The following MORF4L1 variants were observed in gnomAD, a reference collection of about 807,000 sequenced individuals.
The protein encoded by MORF4L1 is mortality factor 4-like protein 1.
Under a neutral mutation model 52.9 loss-of-function variants are expected in MORF4L1, and 4 were observed. The ratio of observed to expected loss-of-function variants is 0.08; its 90% CI spans 0.04 to 0.17. The LOEUF is 0.17. Ranked by LOEUF, MORF4L1 falls within the 10% of genes least tolerant of loss-of-function variation. MORF4L1 has a pLI of 1.00. For missense variants in MORF4L1, 214 were observed against 390.4 expected (o/e 0.55, Z 3.81); for synonymous variants, 123 against 134.8 (o/e 0.91, Z 0.61).
At chr15:78,884,779 TC>T (rs1438088506) in intron 3 of MORF4L1, among the ~76,000 whole-genome samples, 2 of 152,224 alleles carry the variant, frequency 1.3e-5, no homozygotes, top group African/African-American at 4.8e-5. Flanking sequence ...AAATTGGAAT[TC>T]TCTTAAACTT....
intron 3 of MORF4L1, among the ~76,000 whole-genome samples, chr15:78,882,953 G>A (rs2056628884): frequency 1.3e-5 from 2 of 152,148 alleles, no homozygotes; most frequent in Admixed American, 6.5e-5. Context: ...AGTGGCTCAT[G>A]CCTGTAATCT....
chr15:78,895,914 C>T (rs962251932), intron 11 of MORF4L1, among the ~76,000 whole-genome samples: 3 of 151,824 alleles, frequency 2.0e-5, no homozygotes, highest in African/African-American at 7.3e-5. Flanking sequence ...CTTTGGACCT[C>T]AGTTTCTTTA....
At chr15:78,887,133 T>C (rs2056720014) in intron 4 of MORF4L1, 136 bp from the exon 5 acceptor site, 1 of 688,444 alleles carries the variant, frequency 1.5e-6, no homozygotes, top group African/African-American at 1.8e-5. Context: ...TTGATTTTTG[T>C]GGAAATATCT....
intron 8 of MORF4L1, 94 bp from the exon 9 acceptor site, chr15:78,893,445 T>TA: frequency 1.2e-6 from 1 of 802,550 alleles, no homozygotes; most frequent in East Asian, 2.5e-5. Flanking sequence ...GAAATACTGT[T>TA]ACTGTTACCT....
chr15:78,880,520 G>C lies in MORF4L1; in HGVS notation c.96G>C (p.Lys32Asn). 6.2e-7 allele frequency: 1 copy of C among 1,600,124 alleles called. No individual in the cohort carries two copies. Among genetic ancestry groups the C allele is most frequent in the Non-Finnish European group, 8.5e-7 (1 of 1,173,570 alleles). ...GPLLYEAKCVKVAIKDKQVKY... is the reference protein window; with the variant it reads ...GPLLYEAKCVNVAIKDKQVKY... ...TTTTTTTTGAATTTCAGTGTGTAAA[G>C]GTTGCCATAAAGGACAAACAAGTGA... Residue 32 changes from lysine to asparagine, a missense_variant, in exon 3 of 12, where the codon AAG (lysine) becomes AAC (asparagine). By Grantham distance (94) the Lys-to-Asn change is moderately conservative. Transcript: ENST00000426013.
intron 2 of MORF4L1, among the ~76,000 whole-genome samples, chr15:78,879,821 ATGT>A (rs2056568453): frequency 6.6e-6 from 1 of 152,076 alleles, no homozygotes; most frequent in Non-Finnish European, 1.5e-5. Flanking sequence ...TTATCCCTGA[ATGT>A]TGTTATTGTT....
At chr15:78,873,349 G>A in intron 1 of MORF4L1, 3 of 808,902 alleles carry the variant, frequency 3.7e-6, no homozygotes, top group East Asian at 5.2e-5. Flanking sequence ...AGGGCGCGGA[G>A]AGAGCAGCCT....
At chr15:78,886,094 G>T (rs2056698283) in intron 3 of MORF4L1, 47 bp from the exon 4 acceptor site, 1 of 1,435,478 alleles carries the variant, frequency 7.0e-7, no homozygotes, top group South Asian at 1.1e-5. Flanking sequence ...AAATTAGTTG[G>T]AGAACAGAGT....
chr15:78,877,633 A>G (rs1247780772), intron 1 of MORF4L1: 1 of 152,226 alleles, frequency 6.6e-6, no homozygotes, highest in African/African-American at 2.4e-5. Context: ...GTAGACTGTT[A>G]CGTTCCAAAG....
At chr15:78,894,785 G>A in intron 10 of MORF4L1, 35 bp from the exon 11 acceptor site, 1 of 1,493,540 alleles carries the variant, frequency 6.7e-7, no homozygotes, top group South Asian at 1.1e-5. Context: ...CCCTGCCTTG[G>A]ATGTAACTTT....
At chr15:78,880,437 T>G (rs1596241493) in intron 2 of MORF4L1, 75 bp from the exon 3 acceptor site, 2 of 1,080,022 alleles carry the variant, frequency 1.9e-6, no homozygotes, top group East Asian at 5.1e-5. Context: ...GTAGAGTGTC[T>G]TTGAAGGATG....
At position 78,886,035 on chromosome 15, in the gene MORF4L1, G is replaced by A. The variant is rs577094918; in HGVS notation, c.156-106G>A. On this transcript the variant is annotated intron_variant, in intron 3 of 11. Coordinates refer to ENST00000426013, the MANE Select transcript of MORF4L1 (RefSeq NM_006791.4). ...AGTTGAGAATATATTTGTAGTGCCA[G>A]TTCATCAAATTACTTAAGAGAAATC... 1.8e-4 allele frequency: 137 copies of A among 775,206 alleles called. 1 individual carries two copies. In the South Asian group the frequency reaches 2.0e-3, roughly 11 times the overall value. The allele number at this position is 775,206 out of a possible 1,614,324, so 48.0% of individuals were successfully genotyped here. A position where few individuals can be genotyped will look rare whatever the true frequency, so the allele number is the denominator to read the frequency against.
intron 8 of MORF4L1, among the ~76,000 whole-genome samples, chr15:78,893,294 A>G (rs956634034): frequency 3.3e-5 from 5 of 152,192 alleles, no homozygotes; most frequent in Non-Finnish European, 7.4e-5. Context: ...GATGCTCCAT[A>G]ACTTAGAATG....
At position 78,886,976 on chromosome 15, in the gene MORF4L1, TAAAATG is replaced by T. The variant is rs888457351; in HGVS notation, c.243-292_243-287del. ...TCTCAAAAAAAAAAAAAAAAAGAAT[TAAAATG>T]GTAATGGGAACAAATAAAACACTGG... On this transcript the variant is annotated intron_variant, in intron 4 of 11. Transcript: ENST00000426013. 1.1e-4 allele frequency among the ~76,000 whole-genome samples: 16 copies of T among 150,792 alleles called. No homozygotes were observed. The South Asian group carries it at 1.5e-3, about 14-fold the overall frequency.
intron 3 of MORF4L1, among the ~76,000 whole-genome samples, chr15:78,883,662 C>T (rs2056642379): frequency 6.6e-6 from 1 of 152,132 alleles, no homozygotes; most frequent in Admixed American, 6.5e-5. Context: ...AGATTTGTTA[C>T]TATCTTTGTA....
chr15:78,887,284 G>C lies in MORF4L1; in HGVS notation c.258G>C (p.Glu86Asp), dbSNP rs2056722807. 1.2e-6 allele frequency: 2 copies of C among 1,611,276 alleles called. No individual in the cohort carries two copies. Among genetic ancestry groups the C allele is most frequent in the East Asian group, 4.5e-5 (2 of 44,856 alleles). ...LQKANQEQYA[E>D]GKMRGAAPGK... Reference sequence around the variant, plus strand: ...ATTTTTGAAGGGAGCAGTATGCAGAGGGGAAGATGAGAGGGGCTGCCCCAG... The same window carrying C: ...ATTTTTGAAGGGAGCAGTATGCAGACGGGAAGATGAGAGGGGCTGCCCCAG... The change falls in exon 5 of 12, where the codon GAG (glutamate) becomes GAC (aspartate). Residue 86 changes from glutamate to aspartate, a missense_variant. Physicochemically the swap from Glu to Asp is conservative, Grantham distance 45. Transcript: ENST00000426013.
chr15:78,878,432 C>T (rs2141590690), intron 2 of MORF4L1, among the ~76,000 whole-genome samples, 173 bp downstream of exon 2: 1 of 152,168 alleles, frequency 6.6e-6, no homozygotes, highest in Non-Finnish European at 1.5e-5. Flanking sequence ...TGCTTAGTGG[C>T]TCAAATGAAT....
intron 2 of MORF4L1, among the ~76,000 whole-genome samples, chr15:78,880,244 A>G (rs145437659): frequency 1.4e-4 from 22 of 152,374 alleles, no homozygotes; most frequent in African/African-American, 4.8e-4. Flanking sequence ...ACACAAGCAT[A>G]GCTTTCATTA....
At chr15:78,875,210 A>G (rs572417046) in intron 1 of MORF4L1, among the ~76,000 whole-genome samples, 12 of 152,328 alleles carry the variant, frequency 7.9e-5, no homozygotes, top group Admixed American at 5.2e-4. Flanking sequence ...TCAAGGCACA[A>G]AAAGTTAATC....
Sources: allele counts gnomAD v4.1 joint callset (sites outside exome capture counted in the v4.1 genomes callset), GRCh38; gene constraint gnomAD v4.1.1; transcripts MANE v1.5; gene names NCBI Gene and HGNC (gene_info 2026-07-23, HGNC 2026-07-21).